Variants in SLC41A3 observed in about 807,000 individuals in gnomAD.
The protein encoded by SLC41A3 is SLC41A1-like 2.
In SLC41A3, 44 loss-of-function variants were observed where a neutral mutation model predicts 45.4. The ratio of observed to expected loss-of-function variants is 0.97; its 90% CI spans 0.76 to 1.25. SLC41A3 has a LOEUF of 1.25. Among genes scored for constraint, SLC41A3 ranks in the 50% most tolerant of loss-of-function variants. The pLI, the probability that SLC41A3 is intolerant of heterozygous loss-of-function variation, is 0.00. For synonymous variants in SLC41A3, 256 were observed against 252.4 expected (o/e 1.01, Z -0.13); for missense variants, 550 against 600.6 (o/e 0.92, Z 0.88).
chr3:126,092,645 G>A, intron 1 of SLC41A3: 1 of 149,802 alleles, frequency 6.7e-6, no homozygotes, highest in African/African-American at 2.4e-5. Flanking sequence ...CAGGTTGAAG[G>A]GTTGCCAGAG....
At chr3:126,050,183 C>T (rs11716183) in intron 3 of SLC41A3, among the ~76,000 whole-genome samples, 18 of 152,134 alleles carry the variant, frequency 1.2e-4, no homozygotes, top group Admixed American at 6.5e-5. Context: ...CAGCCACTTG[C>T]GCCTCACCTA....
rs144194086 is a variant in SLC41A3, at chr3:126,022,024, C to T, written c.745+762G>A. Among the ~76,000 whole-genome samples, 6 of 152,262 alleles carry T rather than the reference C, an allele frequency of 3.9e-5. No homozygotes were observed. In the South Asian group the frequency reaches 6.2e-4, roughly 16 times the overall value. On this transcript the variant is annotated intron_variant, in intron 6 of 10. Transcript: ENST00000360370. ...ACTGCCCAGGCATGGATGTGGGGGGCGTGACTGAAGCAAACAACACACTTG... is the reference window on the plus strand; with the variant it reads ...ACTGCCCAGGCATGGATGTGGGGGGTGTGACTGAAGCAAACAACACACTTG...
chr3:126,072,645 A>G (rs569213386), intron 1 of SLC41A3, among the ~76,000 whole-genome samples: 2 of 152,362 alleles, frequency 1.3e-5, no homozygotes, highest in East Asian at 3.9e-4. Context: ...TGTAGACAAA[A>G]GGGAATGCTT....
At chr3:126,023,119 C>T in intron 5 of SLC41A3, 187 bp from the exon 6 acceptor site, 2 of 695,446 alleles carry the variant, frequency 2.9e-6, no homozygotes, top group Middle Eastern at 4.0e-4. Context: ...ACTTTCAGAG[C>T]TTCCCACTAC....
At chr3:126,046,472 A>G (rs756586284) in intron 3 of SLC41A3, among the ~76,000 whole-genome samples, 44 of 152,176 alleles carry the variant, frequency 2.9e-4, no homozygotes, top group Non-Finnish European at 4.6e-4. Flanking sequence ...ACAATGAATA[A>G]TTCAAAAAAG....
At chr3:126,077,360 A>G (rs984805427) in intron 1 of SLC41A3, among the ~76,000 whole-genome samples, 3 of 152,116 alleles carry the variant, frequency 2.0e-5, no homozygotes, top group Non-Finnish European at 4.4e-5. Flanking sequence ...AGCCTAGGGG[A>G]CAGAGTAAGA....
At chr3:126,055,744 A>G (rs754386343) in intron 2 of SLC41A3, among the ~76,000 whole-genome samples, 1 of 152,264 alleles carries the variant, frequency 6.6e-6, no homozygotes. Flanking sequence ...AAACCATGCT[A>G]GGGGAGAAAC....
Position 126,016,765 on chromosome 3 carries a change from A to G in SLC41A3, c.856T>C (p.Trp286Arg). 1.2e-6 allele frequency: 2 copies of G among 1,612,304 alleles called. No individual in the cohort carries two copies. Among genetic ancestry groups the G allele is most frequent in the African/African-American group, 2.7e-5 (2 of 74,982 alleles). The change falls in exon 7 of 11, where the codon TGG becomes CGG. Residue 286 changes from tryptophan to arginine, a missense_variant. Physicochemically the swap from Trp to Arg is moderately radical, Grantham distance 101. Coordinates refer to ENST00000360370, the MANE Select transcript of SLC41A3 (RefSeq NM_017836.4). ...PPIVKILKFG[W>R]FPIILAMVIS... ...ACCATGGCCAGGATGATTGGGAACC[A>G]GCCAAACTTCAGGATCTTCACGATG...
At chr3:126,007,861 C>T (rs1005327419) in intron 10 of SLC41A3, among the ~76,000 whole-genome samples, 2 of 152,230 alleles carry the variant, frequency 1.3e-5, no homozygotes, top group African/African-American at 4.8e-5. Context: ...CCCTCCAGCG[C>T]CCACGGTGCT....
rs1343852311 is a variant in SLC41A3, at chr3:126,006,602, C to T, written c.*414G>A. The T allele has an allele frequency of 6.4e-7, 1 of 1,573,810 alleles. No individual in the cohort carries two copies. The highest frequency in any genetic ancestry group is 2.2e-5 in the East Asian group (1 of 44,666). On this transcript the variant is annotated 3_prime_UTR_variant, in exon 11 of 11. Transcript: ENST00000360370. Reference sequence around the variant, plus strand: ...GCAAGTAAGCCACAGCTCAAGAGTTCTGAGGCTTGGGAACAGAAAAGAGCT... The same window carrying T: ...GCAAGTAAGCCACAGCTCAAGAGTTTTGAGGCTTGGGAACAGAAAAGAGCT...
chr3:126,065,291 C>A (rs4679204), intron 2 of SLC41A3, among the ~76,000 whole-genome samples: 99,529 of 152,154 alleles, frequency 0.65, 32,812 homozygotes, highest in Middle Eastern at 0.72. Context: ...CTAATCAATG[C>A]GTGCTGTTTT....
At chr3:126,034,121 G>T (rs556633915) in intron 3 of SLC41A3, among the ~76,000 whole-genome samples, 3 of 152,218 alleles carry the variant, frequency 2.0e-5, no homozygotes, top group African/African-American at 7.2e-5. Context: ...CCCAGTCTTT[G>T]GCCAGGTCCC....
chr3:126,062,616 C>G (rs960741402), intron 2 of SLC41A3, among the ~76,000 whole-genome samples: 1 of 152,224 alleles, frequency 6.6e-6, no homozygotes, highest in Non-Finnish European at 1.5e-5. Flanking sequence ...ACATGTGGTG[C>G]GAGGCCTGGC....
At chr3:126,022,309 G>A (rs1362237517) in intron 6 of SLC41A3, among the ~76,000 whole-genome samples, 1 of 152,214 alleles carries the variant, frequency 6.6e-6, no homozygotes, top group Non-Finnish European at 1.5e-5. Context: ...CTACTTCTCA[G>A]TATCAATTTT....
At position 126,029,375 on chromosome 3, in the gene SLC41A3, C is replaced by CCA. The variant is rs1389147362; in HGVS notation, c.454-2897_454-2896insTG. ...TAGAAGTATGTGGCACTCCCTCCCCCACCACTCTCTTGCTCATTCTCTGGC... is the reference window on the plus strand; with the variant it reads ...TAGAAGTATGTGGCACTCCCTCCCCCCAACCACTCTCTTGCTCATTCTCTGGC... On this transcript the variant is annotated intron_variant, in intron 4 of 10. Transcript: ENST00000360370. Among the ~76,000 whole-genome samples, 10 of 151,982 alleles carry CCA rather than the reference C, an allele frequency of 6.6e-5. No homozygotes were observed. In the South Asian group the frequency reaches 2.1e-3, roughly 32 times the overall value.
chr3:126,081,179 T>C (rs1363564979), intron 1 of SLC41A3, among the ~76,000 whole-genome samples: 3 of 152,080 alleles, frequency 2.0e-5, no homozygotes, highest in Non-Finnish European at 4.4e-5. Flanking sequence ...TATTCAGCCA[T>C]AAAGAAGAAT....
chr3:126,074,515 G>A (rs947641484), intron 1 of SLC41A3, among the ~76,000 whole-genome samples: 2 of 152,094 alleles, frequency 1.3e-5, no homozygotes, highest in East Asian at 1.9e-4. Flanking sequence ...GTTTACAGAC[G>A]ACATAATCTT....
chr3:126,091,330 C>A (rs1177627247), intron 1 of SLC41A3, among the ~76,000 whole-genome samples: 1 of 152,060 alleles, frequency 6.6e-6, no homozygotes, highest in African/African-American at 2.4e-5. Context: ...GGTCTGGCTA[C>A]AGCTTGGTTT....
intron 3 of SLC41A3, among the ~76,000 whole-genome samples, chr3:126,046,412 TGAA>T (rs1942964393): frequency 6.6e-6 from 1 of 151,212 alleles, no homozygotes; most frequent in African/African-American, 2.4e-5. Flanking sequence ...TCAGCAAAGA[TGAA>T]GGATACAAAA....
Sources: gnomAD v4.1 joint callset for allele counts (sites outside exome capture counted in the v4.1 genomes callset) on GRCh38, gnomAD v4.1.1 for gene constraint, MANE v1.5 for transcripts, NCBI Gene and HGNC (gene_info 2026-07-23, HGNC 2026-07-21) for gene names.